Variants in NSF observed in about 807,000 individuals in gnomAD.
The protein encoded by NSF is vesicle-fusing ATPase.
In NSF, 14 loss-of-function variants were observed where a neutral mutation model predicts 50.3. The ratio of observed to expected loss-of-function variants is 0.28; its 90% CI spans 0.18 to 0.44. NSF has a LOEUF of 0.44. Ranked by LOEUF, NSF falls within the 20% of genes least tolerant of loss-of-function variation. The probability of loss-of-function intolerance (pLI) is 1.00; values close to 1 mark genes in which losing one functional copy is unlikely to be tolerated. For missense variants in NSF, 218 were observed against 504.3 expected (o/e 0.43, Z 5.44); for synonymous variants, 109 against 175.7 (o/e 0.62, Z 3.00).
At chr17:46,724,269 G>T (rs766467477) in intron 15 of NSF, among the ~76,000 whole-genome samples, 3 of 152,196 alleles carry the variant, frequency 2.0e-5, no homozygotes. Context: ...GAGTTATGCT[G>T]CATGAAAGGA....
intron 1 of NSF, among the ~76,000 whole-genome samples, chr17:46,615,712 G>T: frequency 2.1e-5 from 1 of 47,006 alleles, no homozygotes. Flanking sequence ...GCCAGACCTT[G>T]CCTCACAAAA....
chr17:46,685,754 TTAAG>T, intron 9 of NSF, among the ~76,000 whole-genome samples: 1 of 147,040 alleles, frequency 6.8e-6, no homozygotes, highest in Non-Finnish European at 1.5e-5. Context: ...TTGCTTTTAT[TTAAG>T]TAACACACAA....
At chr17:46,734,395 T>TA (rs947586687) in intron 17 of NSF, among the ~76,000 whole-genome samples, 72 of 147,802 alleles carry the variant, frequency 4.9e-4, no homozygotes, top group African/African-American at 9.6e-4. Context: ...TTCTTTTATC[T>TA]AAAAAAAAAA....
chr17:46,708,053 C>T (rs1036304208), intron 13 of NSF, among the ~76,000 whole-genome samples: 6 of 150,234 alleles, frequency 4.0e-5, no homozygotes, highest in African/African-American at 1.5e-4. Context: ...AAAAAAAAAT[C>T]CATGATATGT....
In NSF at chr17:46,725,130, A is replaced by G. The variant is rs1026841383; in HGVS notation, c.1762-1419A>G. 5.3e-5 allele frequency among the ~76,000 whole-genome samples: 8 copies of G among 152,202 alleles called. No homozygotes were observed. The East Asian group carries it at 1.5e-3, about 29-fold the overall frequency. ...ATAGTACAATGAATCAATAATATAT[A>G]TACGTAATATACAAAATCCTGTGCC... On this transcript the variant is annotated intron_variant, in intron 15 of 20. Transcript: ENST00000398238.
At chr17:46,742,710 A>T (rs2059291724) in intron 17 of NSF, among the ~76,000 whole-genome samples, 1 of 152,090 alleles carries the variant, frequency 6.6e-6, no homozygotes, top group African/African-American at 2.4e-5. Flanking sequence ...CAGGCAGAGG[A>T]ATCCTCTCTG....
intron 13 of NSF, among the ~76,000 whole-genome samples, chr17:46,707,179 G>T (rs888138884): frequency 6.6e-6 from 1 of 152,080 alleles, no homozygotes; most frequent in Admixed American, 6.6e-5. Context: ...ATTCAGTTAG[G>T]TGTAAAATGA....
chr17:46,730,907 G>A (rs1047526079), intron 17 of NSF, among the ~76,000 whole-genome samples: 1 of 152,136 alleles, frequency 6.6e-6, no homozygotes, highest in Non-Finnish European at 1.5e-5. Flanking sequence ...AAAAAGTCAG[G>A]TAATGACAAG....
chr17:46,657,365 A>G (rs2058267855), intron 8 of NSF, among the ~76,000 whole-genome samples: 1 of 152,112 alleles, frequency 6.6e-6, no homozygotes, highest in African/African-American at 2.4e-5. Context: ...AAAAAATATA[A>G]TGGTTTCATG....
At chr17:46,738,143 A>C (rs899045925) in intron 17 of NSF, among the ~76,000 whole-genome samples, 1 of 152,070 alleles carries the variant, frequency 6.6e-6, no homozygotes, top group African/African-American at 2.4e-5. Flanking sequence ...CATGTTACCC[A>C]GGCTGGTCTC....
At chr17:46,679,023 AT>A (rs1370321063) in intron 9 of NSF, among the ~76,000 whole-genome samples, 1 of 151,850 alleles carries the variant, frequency 6.6e-6, no homozygotes, top group East Asian at 1.9e-4. Context: ...AAGAAACCAG[AT>A]TTCAAAAAAC....
intron 17 of NSF, among the ~76,000 whole-genome samples, chr17:46,739,400 A>G (rs2059045355): frequency 7.3e-6 from 1 of 137,034 alleles, no homozygotes; most frequent in African/African-American, 2.7e-5. Flanking sequence ...AAAGCCAAGC[A>G]TGGTGGTGCA....
chr17:46,749,565 G>T (rs1356801162), intron 17 of NSF, among the ~76,000 whole-genome samples: 1 of 152,190 alleles, frequency 6.6e-6, no homozygotes, highest in Non-Finnish European at 1.5e-5. Flanking sequence ...AGAAGGAGCT[G>T]TTCACATGTT....
At chr17:46,598,471 T>C (rs1370985620) in intron 1 of NSF, among the ~76,000 whole-genome samples, 3 of 152,102 alleles carry the variant, frequency 2.0e-5, no homozygotes, top group East Asian at 1.9e-4. Flanking sequence ...CATACTTTAG[T>C]GCAAATAAAG....
chr17:46,751,185 A>C (rs935694997), intron 18 of NSF, among the ~76,000 whole-genome samples: 1 of 152,224 alleles, frequency 6.6e-6, no homozygotes, highest in African/African-American at 2.4e-5. Context: ...TGACACATAC[A>C]GATTGTTCCT....
rs533426867 is a variant in NSF, at chr17:46,678,262, TACC to T, written c.945+3652_945+3654del. Among the ~76,000 whole-genome samples the T allele has an allele frequency of 7.4e-3, 836 of 113,048 alleles. 19 individuals carry two copies. Among genetic ancestry groups the T allele is most frequent in the Admixed American group, 0.038 (383 of 9,954 alleles). 74.2% of individuals were successfully genotyped at this position (113,048 alleles called of 152,430 possible). On this transcript the variant is annotated intron_variant, in intron 9 of 20. Transcript: ENST00000398238. ...TACAGACTTTTGAAATAATTATACT[TACC>T]ACATTCAAGGGGATAAAAGACAAGA...
At chr17:46,598,774 A>G (rs1198969916) in intron 1 of NSF, among the ~76,000 whole-genome samples, 2 of 151,950 alleles carry the variant, frequency 1.3e-5, no homozygotes, top group Non-Finnish European at 2.9e-5. Flanking sequence ...ACAAACTTTC[A>G]GATGAAACTT....
intron 19 of NSF, among the ~76,000 whole-genome samples, chr17:46,752,361 A>G (rs1598741445): frequency 6.6e-6 from 1 of 152,176 alleles, no homozygotes; most frequent in East Asian, 1.9e-4. Flanking sequence ...CCTCCCTATC[A>G]AGCCCTATGA....
At chr17:46,721,983 T>C in intron 15 of NSF, 1 of 1,606,160 alleles carries the variant, frequency 6.2e-7, no homozygotes, top group Non-Finnish European at 8.5e-7. Flanking sequence ...GGAACAAAGA[T>C]TATGATAGCT....
Sources: allele counts gnomAD v4.1 joint callset (sites outside exome capture counted in the v4.1 genomes callset), GRCh38; gene constraint gnomAD v4.1.1; transcripts MANE v1.5; gene names NCBI Gene and HGNC (gene_info 2026-07-23, HGNC 2026-07-21).